Variants in TXLNG observed in about 807,000 individuals in gnomAD.
The protein encoded by TXLNG is taxilin gamma.
In TXLNG, 5 loss-of-function variants were observed where a neutral mutation model predicts 38.8. The observed-to-expected ratio is 0.13, with a 90% CI of 0.07 to 0.27. TXLNG has a LOEUF of 0.27. Among genes scored for constraint, TXLNG ranks in the 10% least tolerant of loss-of-function variants. The pLI is 1.00. For synonymous variants in TXLNG, 182 were observed against 158.2 expected (o/e 1.15, Z -1.13); for missense variants, 393 against 398.2 (o/e 0.99, Z 0.11).
intron 3 of TXLNG, among the ~76,000 whole-genome samples, chrX:16,822,154 C>T (rs1260549406): frequency 1.8e-5 from 2 of 108,402 alleles, no homozygotes; most frequent in South Asian, 4.1e-4. Context: ...CTGGCTAACA[C>T]GGTGAAACCC....
At position 16,841,622 on chromosome X, in the gene TXLNG, T is replaced by G. The variant is rs773843958; in HGVS notation, c.1443T>G (p.Thr481=). 13 of 1,209,642 alleles carry G rather than the reference T, an allele frequency of 1.1e-5. No individual in the cohort carries two copies. In the African/African-American group the frequency reaches 2.3e-4, roughly 21 times the overall value. The change falls in exon 10 of 10, where the codon ACT becomes ACG. Residue 481 remains threonine (T), a synonymous_variant. Transcript: ENST00000380122. ...CAACACCTGTGATGCAGCCCTGTAC[T>G]GCCCTGGATTCTCACAAGGAGCTGA... ...DLATPVMQPC[T]ALDSHKELNT...
At chrX:16,838,608 T>C (rs769604453) in intron 8 of TXLNG, among the ~76,000 whole-genome samples, 6 of 112,250 alleles carry the variant, frequency 5.3e-5, no homozygotes, top group African/African-American at 1.6e-4. Flanking sequence ...ATGTGGCTGA[T>C]TGGTGCTCAA....
At chrX:16,836,638 A>G (rs867851797) in intron 7 of TXLNG, among the ~76,000 whole-genome samples, 100 of 112,408 alleles carry the variant, frequency 8.9e-4, no homozygotes, top group African/African-American at 2.8e-3. Context: ...GGGCACCATC[A>G]TATTCCACCC....
intron 1 of TXLNG, among the ~76,000 whole-genome samples, chrX:16,789,519 G>C (rs1016790124): frequency 9.4e-6 from 1 of 106,927 alleles, no homozygotes; most frequent in African/African-American, 3.4e-5. Flanking sequence ...AGTGGCTACT[G>C]TATTAGAGCA....
chrX:16,832,254 T>G (rs1302101015), intron 5 of TXLNG, among the ~76,000 whole-genome samples: 1 of 112,262 alleles, frequency 8.9e-6, no homozygotes, highest in Non-Finnish European at 1.9e-5. Flanking sequence ...GTGTGCATGA[T>G]GTATGGTTTA....
chrX:16,822,454 G>A (rs1230116283), intron 3 of TXLNG, among the ~76,000 whole-genome samples: 1 of 111,702 alleles, frequency 9.0e-6, no homozygotes, highest in South Asian at 3.7e-4. Context: ...GCAACAGGAC[G>A]CCCTGTGCAT....
intron 1 of TXLNG, among the ~76,000 whole-genome samples, chrX:16,802,029 C>T (rs1928116124): frequency 9.7e-6 from 1 of 103,212 alleles, no homozygotes; most frequent in African/African-American, 3.6e-5. Flanking sequence ...TCTCAGCTCA[C>T]CGCAACCTCT....
chrX:16,832,430 G>A (rs1345604816), intron 5 of TXLNG, among the ~76,000 whole-genome samples, 193 bp from the exon 6 acceptor site: 1 of 112,043 alleles, frequency 8.9e-6, no homozygotes, highest in Non-Finnish European at 1.9e-5. Flanking sequence ...ATGTGGGATG[G>A]TTTGCAAGGT....
intron 1 of TXLNG, among the ~76,000 whole-genome samples, chrX:16,817,102 A>T (rs1379013864): frequency 8.9e-6 from 1 of 112,304 alleles, no homozygotes; most frequent in East Asian, 2.8e-4. Context: ...TGTGAAACTC[A>T]TCTATGTGGT....
chrX:16,813,183 C>T (rs193124843), intron 1 of TXLNG, among the ~76,000 whole-genome samples: 4 of 111,204 alleles, frequency 3.6e-5, no homozygotes, highest in Admixed American at 9.6e-5. Context: ...CCAATAGGCA[C>T]GTGAAAAGAT....
At chrX:16,800,032 G>A (rs1928029775) in intron 1 of TXLNG, among the ~76,000 whole-genome samples, 1 of 105,039 alleles carries the variant, frequency 9.5e-6, no homozygotes, top group African/African-American at 3.5e-5. Flanking sequence ...CACCGCCTCC[G>A]GAGTTCAAGT....
At chrX:16,803,240 C>A (rs979944316) in intron 1 of TXLNG, 2 of 112,104 alleles carry the variant, frequency 1.8e-5, no homozygotes, top group Non-Finnish European at 3.8e-5. Flanking sequence ...TAAGAACTCT[C>A]CATAACCATT....
rs138862775 is a variant in TXLNG at position 16,790,393 on chromosome X, G to C, written c.102+3804G>C. ...ATTTTTTTTAAATTTTAGAGTTGGG[G>C]GTCCTGCTATGTTGCCCAGGCTGGT... On this transcript the variant is annotated intron_variant, in intron 1 of 9. Transcript: ENST00000380122. Among the ~76,000 whole-genome samples the C allele has an allele frequency of 7.8e-3, 854 of 109,603 alleles. 13 individuals carry two copies. Among genetic ancestry groups the C allele is most frequent in the African/African-American group, 0.028 (828 of 30,065 alleles).
intron 1 of TXLNG, among the ~76,000 whole-genome samples, chrX:16,811,915 C>G (rs1343779125): frequency 9.0e-6 from 1 of 111,007 alleles, no homozygotes; most frequent in African/African-American, 3.3e-5. Context: ...GCTGGAATTA[C>G]AGACGTGAGT....
chrX:16,787,028 CGGGCAGGTGCGCA>C (rs1468956493), intron 1 of TXLNG, among the ~76,000 whole-genome samples: 1 of 113,015 alleles, frequency 8.8e-6, no homozygotes, highest in African/African-American at 3.2e-5. Flanking sequence ...CTCCTGGCGT[CGGGCAGGTGCGCA>C]GGGCGCGCTG....
chrX:16,827,996 C>A, intron 3 of TXLNG, 98 bp from the exon 4 acceptor site: 1 of 822,596 alleles, frequency 1.2e-6, no homozygotes, highest in Non-Finnish European at 1.7e-6. Flanking sequence ...TAGTATTTGA[C>A]TTTTTGAAAA....
intron 1 of TXLNG, among the ~76,000 whole-genome samples, chrX:16,801,145 TTAA>T (rs1378582930): frequency 8.9e-6 from 1 of 112,327 alleles, no homozygotes; most frequent in East Asian, 2.8e-4. Context: ...CGTGAGCCAG[TTAA>T]GCCTCTTTTC....
intron 1 of TXLNG, among the ~76,000 whole-genome samples, chrX:16,806,913 T>C (rs1354986901): frequency 8.1e-5 from 7 of 86,752 alleles, no homozygotes; most frequent in Non-Finnish European, 1.6e-4. Flanking sequence ...CGAGACTCTG[T>C]CTCAAAAAAA....
At chrX:16,803,951 C>T (rs1602365877) in intron 1 of TXLNG, among the ~76,000 whole-genome samples, 1 of 104,913 alleles carries the variant, frequency 9.5e-6, no homozygotes, top group African/African-American at 3.5e-5. Flanking sequence ...GACTCTGTCT[C>T]AAAAAAAAAG....
Sources: allele counts gnomAD v4.1 joint callset (sites outside exome capture counted in the v4.1 genomes callset), GRCh38; gene constraint gnomAD v4.1.1; transcripts MANE v1.5; gene names NCBI Gene and HGNC (gene_info 2026-07-23, HGNC 2026-07-21).